Variants in ASNS observed in about 807,000 individuals in gnomAD.
The protein encoded by ASNS is asparagine synthetase (glutamine-hydrolyzing).
ASNS carries 37 observed loss-of-function variants against 62.6 expected under a neutral mutation model. The ratio of observed to expected loss-of-function variants is 0.59; its 90% confidence interval spans 0.45 to 0.78. ASNS has a LOEUF of 0.78. Among genes scored for constraint, ASNS ranks in the 30% least tolerant of loss-of-function variants. The probability of loss-of-function intolerance (pLI) is 0.00; values close to 1 mark genes in which losing one functional copy is unlikely to be tolerated. For missense variants in ASNS, 520 were observed against 682.4 expected (o/e 0.76, Z 2.65); for synonymous variants, 207 against 237.9 (o/e 0.87, Z 1.19).
chr7:97,872,436 T>C (rs911304748), upstream of ASNS: 5 of 152,538 alleles, frequency 3.3e-5, no homozygotes. Flanking sequence ...CTGGCGCTTA[T>C]ACCGACCTGG....
the ASNS span, among the ~76,000 whole-genome samples, chr7:97,880,935 T>G: frequency 0.03 from 233 of 7,774 alleles, 1 homozygote; most frequent in East Asian, 0.053. Flanking sequence ...GTGTGTGTGT[T>G]TTTGTTTTGT....
At chr7:97,861,103 G>C (rs1424615801) in intron 4 of ASNS, among the ~76,000 whole-genome samples, 1 of 144,166 alleles carries the variant, frequency 6.9e-6, no homozygotes, top group Admixed American at 7.2e-5. Context: ...CTTACCGCAA[G>C]CTCCGTCTCC....
At chr7:97,888,522 C>T in the ASNS span, among the ~76,000 whole-genome samples, 1 of 152,172 alleles carries the variant, frequency 6.6e-6, no homozygotes, top group Middle Eastern at 3.2e-3. Context: ...ACGATGGCAC[C>T]ACTGTGTCAC....
upstream of ASNS, among the ~76,000 whole-genome samples, chr7:97,872,833 G>C (rs1792351724): frequency 1.3e-5 from 2 of 152,248 alleles, no homozygotes; most frequent in Non-Finnish European, 2.9e-5. Context: ...AGGAGCGGTG[G>C]CTCACGCCTG....
upstream of ASNS, among the ~76,000 whole-genome samples, chr7:97,874,431 G>T (rs1432794095): frequency 1.3e-5 from 2 of 152,030 alleles, no homozygotes; most frequent in Non-Finnish European, 2.9e-5. Flanking sequence ...CATCCTTCTC[G>T]GCTGACAGGA....
chr7:97,879,182 C>T, the ASNS span, among the ~76,000 whole-genome samples: 32 of 152,148 alleles, frequency 2.1e-4, no homozygotes, highest in African/African-American at 7.7e-4. Flanking sequence ...AGACCTAAAA[C>T]CATAAAAACC....
In ASNS at chr7:97,854,598, C is replaced by G; in HGVS notation, c.1220G>C (p.Arg407Pro). The change falls in exon 10 of 13, where the codon CGA becomes CCA. Residue 407 changes from arginine (R) to proline (P), a missense_variant. By Grantham distance (103) the Arg-to-Pro change is moderately radical. Transcript: ENST00000394308. ...LYLFDVLRAD[R>P]TTAAHGLELR... ...ATATTACCCATGGGCAGCAGTAGTTCGATCTGCGCGGAGAACATCAAACAA... is the reference window on the plus strand; with the variant it reads ...ATATTACCCATGGGCAGCAGTAGTTGGATCTGCGCGGAGAACATCAAACAA... The G allele has an allele frequency of 6.2e-7, 1 of 1,613,758 alleles. No homozygotes were observed. The highest frequency in any genetic ancestry group is 8.5e-7 in the Non-Finnish European group (1 of 1,179,902).
chr7:97,900,360 C>CAAAAAAAAAAAAAA, the ASNS span, among the ~76,000 whole-genome samples: 1 of 89,380 alleles, frequency 1.1e-5, no homozygotes, highest in Non-Finnish European at 2.0e-5. Flanking sequence ...GACTTTGTCT[C>CAAAAAAAAAAAAAA]AAAAAAAAAA....
the ASNS span, among the ~76,000 whole-genome samples, chr7:97,889,927 CAAAAA>C: frequency 6.5e-4 from 25 of 38,570 alleles, no homozygotes; most frequent in African/African-American, 2.1e-3. Context: ...ATAATGAATA[CAAAAA>C]AAAAAAAAAA....
intron 3 of ASNS, among the ~76,000 whole-genome samples, chr7:97,865,274 A>G (rs1431651662): frequency 6.6e-6 from 1 of 152,238 alleles, no homozygotes; most frequent in Non-Finnish European, 1.5e-5. Context: ...TGTACAAACA[A>G]TGGCAGGCTT....
At chr7:97,915,956 C>T in the ASNS span, among the ~76,000 whole-genome samples, 2 of 152,174 alleles carry the variant, frequency 1.3e-5, no homozygotes, top group African/African-American at 4.8e-5. Context: ...TGTGAGGCTG[C>T]CATGGACTCA....
At chr7:97,903,338 T>A in the ASNS span, among the ~76,000 whole-genome samples, 2 of 151,778 alleles carry the variant, frequency 1.3e-5, no homozygotes, top group Non-Finnish European at 2.9e-5. Flanking sequence ...TTTCTTCAAA[T>A]GGCATCTACT....
chr7:97,871,117 T>A (rs2115774198), intron 1 of ASNS, among the ~76,000 whole-genome samples: 1 of 152,324 alleles, frequency 6.6e-6, no homozygotes, highest in South Asian at 2.1e-4. Flanking sequence ...AAAGGTGAAA[T>A]TAATTTTAAA....
chr7:97,916,854 C>T, the ASNS span, among the ~76,000 whole-genome samples: 1 of 152,164 alleles, frequency 6.6e-6, no homozygotes, highest in African/African-American at 2.4e-5. Context: ...TGGGATAGCT[C>T]CTGCCACCGT....
chr7:97,860,934 G>A (rs1791681820), intron 4 of ASNS, among the ~76,000 whole-genome samples: 1 of 151,296 alleles, frequency 6.6e-6, no homozygotes, highest in Non-Finnish European at 1.5e-5. Flanking sequence ...CCAGGGTCAT[G>A]ACAATTTACT....
At chr7:97,902,982 G>C in the ASNS span, among the ~76,000 whole-genome samples, 1 of 152,124 alleles carries the variant, frequency 6.6e-6, no homozygotes, top group African/African-American at 2.4e-5. Flanking sequence ...TACTTGGGGG[G>C]AGTTGTGTTA....
the ASNS span, among the ~76,000 whole-genome samples, chr7:97,897,349 G>A: frequency 6.6e-6 from 1 of 152,202 alleles, no homozygotes; most frequent in Non-Finnish European, 1.5e-5. Context: ...TGGGCAAAGA[G>A]TTCATGGTGA....
chr7:97,854,426 A>G (rs1791330327), intron 10 of ASNS, among the ~76,000 whole-genome samples, 154 bp downstream of exon 10: 1 of 152,226 alleles, frequency 6.6e-6, no homozygotes, highest in Non-Finnish European at 1.5e-5. Flanking sequence ...CATTTTCTCT[A>G]TAAAAGTCAC....
At chr7:97,914,293 G>T in the ASNS span, among the ~76,000 whole-genome samples, 246 of 152,130 alleles carry the variant, frequency 1.6e-3, no homozygotes, top group Non-Finnish European at 2.6e-3. Flanking sequence ...ATTTCCTAGG[G>T]TGTGTCATCA....
Sources: gnomAD v4.1 joint callset for allele counts (sites outside exome capture counted in the v4.1 genomes callset) on GRCh38, gnomAD v4.1.1 for gene constraint, MANE v1.5 for transcripts, NCBI Gene and HGNC (gene_info 2026-07-23, HGNC 2026-07-21) for gene names.